Variants in TRIM54 observed in about 807,000 individuals in gnomAD.
TRIM54 encodes the protein tripartite motif containing 54, also known as tripartite motif-containing protein 54.
TRIM54 carries 40 observed loss-of-function variants against 42.0 expected under a neutral mutation model. That is an observed-to-expected ratio of 0.95 (90% CI 0.74 to 1.24). TRIM54 has a LOEUF of 1.24. Among genes scored for constraint, TRIM54 ranks in the 50% most tolerant of loss-of-function variants. The pLI is 0.00. For synonymous variants in TRIM54, 199 were observed against 194.9 expected (o/e 1.02, Z -0.17); for missense variants, 485 against 480.3 (o/e 1.01, Z -0.09).
chr2:27,283,770 A>ACGCACGCGCGCGCGCGCGCGCG lies in TRIM54; in HGVS notation c.168+872_168+873insGCACGCGCGCGCGCGCGCGCGC, dbSNP rs1487361341. Among the ~76,000 whole-genome samples, 8 of 100,502 alleles carry ACGCACGCGCGCGCGCGCGCGCG rather than the reference A, an allele frequency of 8.0e-5. 1 individual carries two copies. Among genetic ancestry groups the ACGCACGCGCGCGCGCGCGCGCG allele is most frequent in the South Asian group, 7.9e-4 (2 of 2,542 alleles). 65.9% of individuals were successfully genotyped at this position (100,502 alleles called of 152,430 possible). A position where few individuals can be genotyped will look rare whatever the true frequency, so the allele number is the denominator to read the frequency against. On this transcript the variant is annotated intron_variant, in intron 1 of 8. Coordinates refer to ENST00000380075, the MANE Select transcript of TRIM54 (RefSeq NM_187841.3). ...GGGAGAGTGAGGGGCAAAGGCACACACACACACACGCGCGCACACACACAC... is the reference window on the plus strand; with the variant it reads ...GGGAGAGTGAGGGGCAAAGGCACACACGCACGCGCGCGCGCGCGCGCGCACACACACGCGCGCACACACACAC...
In TRIM54 at chr2:27,286,618, G is replaced by T. The variant is rs190321933; in HGVS notation, c.168+3719G>T. On this transcript the variant is annotated intron_variant, in intron 1 of 8. Coordinates refer to ENST00000380075, the MANE Select transcript of TRIM54 (RefSeq NM_187841.3). ...TTTATACCTGCCTCCACTTCACTGT[G>T]GGCACTTGTTTTTGAGCCTGCAACC... Among the ~76,000 whole-genome samples the T allele has an allele frequency of 2.6e-5, 4 of 152,226 alleles. No homozygotes were observed. In the East Asian group the frequency reaches 7.7e-4, roughly 29 times the overall value.
At chr2:27,304,287 G>C (rs1266669209) in intron 3 of TRIM54, among the ~76,000 whole-genome samples, 3 of 143,084 alleles carry the variant, frequency 2.1e-5, no homozygotes, top group Non-Finnish European at 4.5e-5. Context: ...TAGATAGATA[G>C]ATATAAAACA....
rs989350381 is a variant in TRIM54 at position 27,306,720 on chromosome 2, A to G, written c.*2-167A>G. ...ACAAAGGCGCGCCCCCTAGGGCGGA[A>G]AAGTACACTTTCCTCCTCACCCGCT... On this transcript the variant is annotated intron_variant, in intron 8 of 8. Coordinates refer to ENST00000380075, the MANE Select transcript of TRIM54 (RefSeq NM_187841.3). This position sits in a 1 kb window ranked among gnomAD's most constrained non-coding sequence, Gnocchi z 6.1. Among the ~76,000 whole-genome samples, 1 of 152,120 alleles carries G rather than the reference A, an allele frequency of 6.6e-6. No individual in the cohort carries two copies. Among genetic ancestry groups the G allele is most frequent in the African/African-American group, 2.4e-5 (1 of 41,422 alleles).
chr2:27,299,473 C>T (rs1678967089), intron 3 of TRIM54, 57 bp downstream of exon 3: 5 of 1,588,838 alleles, frequency 3.1e-6, no homozygotes, highest in Admixed American at 3.5e-5. Context: ...GACAGGGTCT[C>T]AGTGTCAGCC....
intron 3 of TRIM54, among the ~76,000 whole-genome samples, chr2:27,302,834 G>T (rs369096217): frequency 6.6e-6 from 1 of 152,128 alleles, no homozygotes; most frequent in Non-Finnish European, 1.5e-5. Flanking sequence ...CAAAGTCCTA[G>T]CTCTGTGCTT....
chr2:27,291,651 G>C (rs1263281412), intron 1 of TRIM54, among the ~76,000 whole-genome samples: 4 of 152,298 alleles, frequency 2.6e-5, no homozygotes, highest in Admixed American at 6.5e-5. Flanking sequence ...TTTATTACAA[G>C]TCAAATGTAG....
chr2:27,298,462 T>G (rs1276288890), intron 1 of TRIM54, 105 bp from the exon 2 acceptor site: 7 of 805,584 alleles, frequency 8.7e-6, no homozygotes, highest in Non-Finnish European at 1.4e-5. Flanking sequence ...CATCTTCCCC[T>G]CCATCAAGTT....
At chr2:27,294,081 G>A (rs1012031271) in intron 1 of TRIM54, among the ~76,000 whole-genome samples, 72 of 152,166 alleles carry the variant, frequency 4.7e-4, no homozygotes, top group African/African-American at 1.6e-3. Context: ...GCCTCTGCCT[G>A]AGACTCAGAG....
At chr2:27,283,479 G>A (rs1309314758) in intron 1 of TRIM54, among the ~76,000 whole-genome samples, 1 of 151,986 alleles carries the variant, frequency 6.6e-6, no homozygotes, top group Non-Finnish European at 1.5e-5. Context: ...AGATTGTTCA[G>A]TAAAGAGGCC....
intron 1 of TRIM54, among the ~76,000 whole-genome samples, chr2:27,291,480 A>G (rs1007407743): frequency 6.6e-6 from 1 of 152,208 alleles, no homozygotes; most frequent in South Asian, 2.1e-4. Context: ...CCTAATATGC[A>G]TTAGAATTAA....
At chr2:27,299,592 C>G in intron 3 of TRIM54, 176 bp downstream of exon 3, 2 of 1,378,598 alleles carry the variant, frequency 1.5e-6, no homozygotes, top group Non-Finnish European at 2.0e-6. Context: ...CTTACTGCAG[C>G]CTTGATCTCC....
intron 3 of TRIM54, 34 bp from the exon 4 acceptor site, chr2:27,304,925 C>G (rs1439471621): frequency 2.5e-6 from 4 of 1,602,334 alleles, no homozygotes; most frequent in Non-Finnish European, 3.4e-6. Context: ...TAGGCCAGGT[C>G]CCAGCTCTGA....
chr2:27,306,818 G>T lies in TRIM54; in HGVS notation c.*2-69G>T. 1.9e-6 allele frequency: 1 copy of T among 525,538 alleles called. No homozygotes were observed. Among genetic ancestry groups the T allele is most frequent in the South Asian group, 2.6e-5 (1 of 39,148 alleles). The allele number at this position is 525,538 out of a possible 1,614,324, so 32.6% of individuals were successfully genotyped here. A position where few individuals can be genotyped will look rare whatever the true frequency, so the allele number is the denominator to read the frequency against. On this transcript the variant is annotated intron_variant, in intron 8 of 8. Coordinates refer to ENST00000380075, the MANE Select transcript of TRIM54 (RefSeq NM_187841.3). This position sits in a 1 kb window ranked among gnomAD's most constrained non-coding sequence, Gnocchi z 6.1. ...AGAAACCCACGTGGCGGGGGACGGAGTGAGCGGGGCTCGAGCTGCCTCGTG... is the reference window on the plus strand; with the variant it reads ...AGAAACCCACGTGGCGGGGGACGGATTGAGCGGGGCTCGAGCTGCCTCGTG...
intron 3 of TRIM54, chr2:27,304,695 C>A (rs1679137243): frequency 2.5e-6 from 1 of 407,066 alleles, no homozygotes; most frequent in Non-Finnish European, 4.5e-6. Flanking sequence ...AAGTATCTAG[C>A]CCAGTGTCTG....
At chr2:27,303,477 G>A (rs1248143483) in intron 3 of TRIM54, among the ~76,000 whole-genome samples, 1 of 152,060 alleles carries the variant, frequency 6.6e-6, no homozygotes, top group Non-Finnish European at 1.5e-5. Context: ...TTGAACCCAG[G>A]AGGCGGAGGT....
At chr2:27,300,671 A>G (rs1333126556) in intron 3 of TRIM54, among the ~76,000 whole-genome samples, 1 of 137,102 alleles carries the variant, frequency 7.3e-6, no homozygotes, top group East Asian at 2.0e-4. Flanking sequence ...GGAATTTGAG[A>G]CCAGCCTGAG....
intron 1 of TRIM54, among the ~76,000 whole-genome samples, chr2:27,289,247 C>T (rs1262088042): frequency 6.6e-6 from 1 of 152,114 alleles, no homozygotes; most frequent in Non-Finnish European, 1.5e-5. Flanking sequence ...CAATATAATA[C>T]ATATGGTTAT....
At chr2:27,289,112 T>C (rs1678651484) in intron 1 of TRIM54, among the ~76,000 whole-genome samples, 2 of 152,270 alleles carry the variant, frequency 1.3e-5, no homozygotes, top group African/African-American at 4.8e-5. Context: ...AAAATCGTTA[T>C]TTGTGATGAG....
chr2:27,282,956 G>A, intron 1 of TRIM54, 57 bp downstream of exon 1: 1 of 1,547,764 alleles, frequency 6.5e-7, no homozygotes, highest in Non-Finnish European at 8.8e-7. Context: ...GTGGGGGACT[G>A]ATCAGGTCAG....
Sources: gnomAD v4.1 joint callset for allele counts (sites outside exome capture counted in the v4.1 genomes callset) on GRCh38, gnomAD v4.1.1 for gene constraint, Gnocchi (gnomAD v3.1) non-coding constraint, MANE v1.5 for transcripts, NCBI Gene and HGNC (gene_info 2026-07-23, HGNC 2026-07-21) for gene names.